The following TRPS1 variants were observed in gnomAD, a reference collection of about 807,000 sequenced individuals.
TRPS1 encodes transcriptional repressor GATA binding 1.
In TRPS1, 6 loss-of-function variants were observed where a neutral mutation model predicts 101.2. That is an observed-to-expected ratio of 0.06 (90% CI 0.03 to 0.12). TRPS1 has a LOEUF of 0.12. TRPS1 is among the 10% of genes least tolerant of loss of function. TRPS1 has a pLI of 1.00. For missense variants in TRPS1, 1,363 were observed against 1,567.0 expected (o/e 0.87, Z 2.20); for synonymous variants, 578 against 589.8 (o/e 0.98, Z 0.29).
chr8:115,553,976 T>C (rs1473664366), intron 5 of TRPS1, among the ~76,000 whole-genome samples: 1 of 152,198 alleles, frequency 6.6e-6, no homozygotes, highest in African/African-American at 2.4e-5. Flanking sequence ...ATTTATAGTC[T>C]TTATTAAACA....
At chr8:115,462,795 C>T (rs1044063746) in intron 5 of TRPS1, among the ~76,000 whole-genome samples, 2 of 152,078 alleles carry the variant, frequency 1.3e-5, no homozygotes, top group African/African-American at 2.4e-5. Context: ...AACTCTGTCT[C>T]TAGTCTTTGT....
chr8:115,649,773 G>A (rs186127817), intron 1 of TRPS1, among the ~76,000 whole-genome samples: 2 of 152,286 alleles, frequency 1.3e-5, no homozygotes, highest in African/African-American at 2.4e-5. Flanking sequence ...TCTGCTCCCT[G>A]ATGTTCACAA....
intron 5 of TRPS1, among the ~76,000 whole-genome samples, chr8:115,556,636 C>T (rs1268333896): frequency 2.0e-5 from 3 of 152,114 alleles, no homozygotes; most frequent in Non-Finnish European, 4.4e-5. Context: ...GTTTCTTAGG[C>T]CAAGTAGTGT....
At chr8:115,538,664 A>G (rs1816380791) in intron 5 of TRPS1, among the ~76,000 whole-genome samples, 1 of 152,250 alleles carries the variant, frequency 6.6e-6, no homozygotes, top group Non-Finnish European at 1.5e-5. Context: ...AATATTTAGA[A>G]TAAAAAATTA....
intron 5 of TRPS1, among the ~76,000 whole-genome samples, chr8:115,572,157 C>A (rs1018705536): frequency 1.3e-5 from 2 of 152,060 alleles, no homozygotes; most frequent in Non-Finnish European, 2.9e-5. Flanking sequence ...CTATCAATTA[C>A]GAAAAGACTT....
intron 5 of TRPS1, among the ~76,000 whole-genome samples, chr8:115,454,325 T>C (rs186503220): frequency 6.6e-6 from 1 of 152,378 alleles, no homozygotes; most frequent in East Asian, 1.9e-4. Context: ...ATCCTACTTG[T>C]ACTACTGTAC....
chr8:115,607,612 C>A (rs1397347084), intron 3 of TRPS1, among the ~76,000 whole-genome samples: 4 of 151,672 alleles, frequency 2.6e-5, no homozygotes, highest in Non-Finnish European at 5.9e-5. Context: ...AATGACACTT[C>A]TATAGGTCAC....
intron 1 of TRPS1, among the ~76,000 whole-genome samples, chr8:115,624,204 T>G (rs768746877): frequency 1.2e-4 from 18 of 151,974 alleles, no homozygotes; most frequent in Non-Finnish European, 1.5e-5. Flanking sequence ...ATCATCCTAC[T>G]ACATAGCAAT....
chr8:115,580,926 A>G (rs1314855369), intron 5 of TRPS1, among the ~76,000 whole-genome samples: 1 of 152,182 alleles, frequency 6.6e-6, no homozygotes, highest in Non-Finnish European at 1.5e-5. Context: ...GGAAATTAGT[A>G]TATTAAAGAG....
chr8:115,475,266 T>TTTATATATATATATA (rs1416101277), intron 5 of TRPS1, among the ~76,000 whole-genome samples: 3 of 124,004 alleles, frequency 2.4e-5, no homozygotes, highest in African/African-American at 1.0e-4. Context: ...TGAATCACAG[T>TTTATATATATATATA]TATATATATA....
chr8:115,651,414 A>G (rs1811557063), intron 1 of TRPS1, among the ~76,000 whole-genome samples: 1 of 152,232 alleles, frequency 6.6e-6, no homozygotes, highest in Admixed American at 6.5e-5. Flanking sequence ...GCAATACCAG[A>G]TAATCTTTAT....
intron 5 of TRPS1, chr8:115,515,273 G>A (rs1815682449): frequency 1.4e-6 from 1 of 697,878 alleles, no homozygotes; most frequent in Non-Finnish European, 2.6e-6. Flanking sequence ...CATCCAAGCA[G>A]ATTCAAAAAC....
At chr8:115,524,319 C>CTTTTTTTTTTT (rs139406462) in intron 5 of TRPS1, among the ~76,000 whole-genome samples, 3 of 70,726 alleles carry the variant, frequency 4.2e-5, no homozygotes, top group Non-Finnish European at 7.2e-5. Context: ...CTTCTTCTTC[C>CTTTTTTTTTTT]TTTTTTTTTT....
chr8:115,478,785 G>C (rs1586314931), intron 5 of TRPS1, among the ~76,000 whole-genome samples: 1 of 150,430 alleles, frequency 6.6e-6, no homozygotes, highest in East Asian at 1.9e-4. Flanking sequence ...GCTTGGGCGA[G>C]AGTGAGACTT....
intron 1 of TRPS1, among the ~76,000 whole-genome samples, chr8:115,653,822 C>T (rs1387249693): frequency 6.6e-6 from 1 of 152,172 alleles, no homozygotes; most frequent in South Asian, 2.1e-4. Flanking sequence ...ACCAGCCCAG[C>T]GGTTTCCAGG....
intron 5 of TRPS1, among the ~76,000 whole-genome samples, chr8:115,581,142 CCTGGAATAGAAAGTTAAACA>C (rs1371466530): frequency 6.6e-6 from 1 of 151,248 alleles, no homozygotes; most frequent in Non-Finnish European, 1.5e-5. Flanking sequence ...GTGAAATAAG[CCTGGAATAGAAAGTTAAACA>C]CTGCATGTTC....
intron 5 of TRPS1, among the ~76,000 whole-genome samples, chr8:115,445,562 A>G (rs1290522416): frequency 6.6e-6 from 1 of 152,230 alleles, no homozygotes; most frequent in Admixed American, 6.5e-5. Context: ...AGTGTTTGTT[A>G]CTGTATGAGA....
chr8:115,607,370 C>T (rs962095092), intron 3 of TRPS1, among the ~76,000 whole-genome samples: 1 of 150,370 alleles, frequency 6.7e-6, no homozygotes, highest in African/African-American at 2.4e-5. Context: ...TTAGGATTAA[C>T]TAAGCTATAA....
chr8:115,619,220 T>C lies in TRPS1; in HGVS notation c.878A>G (p.Gln293Arg), dbSNP rs1285617541. 5 of 1,614,046 alleles carry C rather than the reference T, an allele frequency of 3.1e-6. No homozygotes were observed. The highest frequency in any genetic ancestry group is 3.4e-6 in the Non-Finnish European group (4 of 1,180,032). Residue 293 changes from glutamine (Q) to arginine (R), a missense_variant, in exon 3 of 7, where the codon CAG (glutamine) becomes CGG (arginine). Physicochemically the swap from Gln to Arg is conservative, Grantham distance 43. Coordinates refer to ENST00000395715, the MANE Select transcript of TRPS1 (RefSeq NM_014112.5). The part of the protein sequence containing the change: ...MVQFSHSKDF[Q>R]KVNRSVFSGV... Reference sequence around the variant, plus strand: ...AGAAAACACAGAACGGTTGACCTTCTGGAAGTCTTTGGAATGGCTGAACTG... The same window carrying C: ...AGAAAACACAGAACGGTTGACCTTCCGGAAGTCTTTGGAATGGCTGAACTG...
Sources: gnomAD v4.1 joint callset for allele counts (sites outside exome capture counted in the v4.1 genomes callset) on GRCh38, gnomAD v4.1.1 for gene constraint, MANE v1.5 for transcripts, NCBI Gene and HGNC (gene_info 2026-07-23, HGNC 2026-07-21) for gene names.